CEP43: variants seen among roughly 807,000 people sequenced by gnomAD.
CEP43 encodes the protein centrosomal protein 43, also known as FGFR1 oncogene partner.
A neutral mutation model predicts 52.6 loss-of-function variants in CEP43; 36 were observed. The ratio of observed to expected loss-of-function variants is 0.68; its 90% CI spans 0.52 to 0.90. CEP43 has a LOEUF of 0.90. Ranked by LOEUF, CEP43 falls within the 40% of genes least tolerant of loss-of-function variation. The pLI is 0.00. For synonymous variants in CEP43, 192 were observed against 172.4 expected (o/e 1.11, Z -0.89); for missense variants, 506 against 472.8 (o/e 1.07, Z -0.65).
At position 167,006,896 on chromosome 6, in the gene CEP43, G is replaced by A. The variant is rs139632949; in HGVS notation, c.438+2495G>A. ...CCCTGGATAACCCAATAGTATATTC[G>A]AATCCTGTGTGGAAAAACTTACTTT... On this transcript the variant is annotated intron_variant, in intron 5 of 12. Transcript: ENST00000366847. Among the ~76,000 whole-genome samples, 6 of 152,240 alleles carry A rather than the reference G, an allele frequency of 3.9e-5. No individual in the cohort carries two copies. The East Asian group carries it at 5.8e-4, about 15-fold the overall frequency.
In CEP43 at chr6:167,048,710, T is replaced by A. The variant is rs1285668796; in HGVS notation, c.*8732T>A. 6.6e-6 allele frequency: 1 copy of A among 152,196 alleles called. No homozygotes were observed. The highest frequency in any genetic ancestry group is 1.5e-5 in the Non-Finnish European group (1 of 68,032). 9.4% of individuals were successfully genotyped at this position (152,196 alleles called of 1,614,324 possible). A position where few individuals can be genotyped will look rare whatever the true frequency, so the allele number is the denominator to read the frequency against. On this transcript the variant is annotated 3_prime_UTR_variant, in exon 13 of 13. Transcript: ENST00000366847. ...ATGGTAAAAATATTCAAATTATTAC[T>A]GATTTGACACAAAATATTGATGTAA...
chr6:167,038,322 T>A (rs1239169515), intron 12 of CEP43, among the ~76,000 whole-genome samples: 1 of 148,762 alleles, frequency 6.7e-6, no homozygotes, highest in Admixed American at 6.7e-5. Context: ...CTTCATGATC[T>A]GGCTTCAGGT....
At chr6:167,039,160 C>T (rs1485569191) in intron 12 of CEP43, among the ~76,000 whole-genome samples, 5 of 151,914 alleles carry the variant, frequency 3.3e-5, no homozygotes, top group Admixed American at 1.3e-4. Context: ...GTCGGAGTCT[C>T]GCTCTGTCAC....
chr6:167,004,478 A>G, intron 5 of CEP43, 77 bp downstream of exon 5: 8 of 1,242,376 alleles, frequency 6.4e-6, no homozygotes, highest in South Asian at 2.0e-5. Flanking sequence ...TAGTGCATAT[A>G]TAGTAAATTA....
Position 167,003,262 on chromosome 6 carries a change from T to C in CEP43, c.211+15T>C. The C allele has an allele frequency of 7.1e-7, 1 of 1,412,254 alleles. No individual in the cohort carries two copies. Among genetic ancestry groups the C allele is most frequent in the Non-Finnish European group, 9.7e-7 (1 of 1,032,332 alleles). 87.5% of individuals were successfully genotyped at this position (1,412,254 alleles called of 1,614,324 possible). A position where few individuals can be genotyped will look rare whatever the true frequency, so the allele number is the denominator to read the frequency against. On this transcript the variant is annotated intron_variant, in intron 3 of 12. Transcript: ENST00000366847. Reference sequence around the variant, plus strand: ...TACCAAAGACGGTAAGATGTTCAGTTTGTTCTTGTTTATCTATCTCTGAAT... The same window carrying C: ...TACCAAAGACGGTAAGATGTTCAGTCTGTTCTTGTTTATCTATCTCTGAAT...
intron 12 of CEP43, chr6:167,036,687 T>C: frequency 1.0e-6 from 1 of 983,928 alleles, no homozygotes; most frequent in Non-Finnish European, 1.2e-6. Context: ...AATGTACGTT[T>C]TAGATATTTT....
intron 7 of CEP43, among the ~76,000 whole-genome samples, chr6:167,017,368 A>T (rs1583278376): frequency 6.6e-6 from 1 of 152,316 alleles, no homozygotes; most frequent in Admixed American, 6.5e-5. Flanking sequence ...TATTACAAGT[A>T]ATCTAGAGAT....
At chr6:167,006,884 A>G (rs921706619) in intron 5 of CEP43, among the ~76,000 whole-genome samples, 3 of 152,240 alleles carry the variant, frequency 2.0e-5, no homozygotes, top group African/African-American at 7.2e-5. Flanking sequence ...TGGATAACCC[A>G]ATAGTATATT....
intron 10 of CEP43, among the ~76,000 whole-genome samples, 199 bp downstream of exon 10, chr6:167,026,814 G>T (rs568868829): frequency 6.6e-6 from 1 of 152,170 alleles, no homozygotes; most frequent in Non-Finnish European, 1.5e-5. Context: ...TCATGTTCTC[G>T]TGAACCTCTG....
At chr6:167,036,149 AT>A (rs1780581667) in intron 12 of CEP43, 1 of 985,332 alleles carries the variant, frequency 1.0e-6, no homozygotes, top group African/African-American at 1.7e-5. Flanking sequence ...GTGCCATAAA[AT>A]GCCAGTCATT....
intron 2 of CEP43, among the ~76,000 whole-genome samples, chr6:167,001,710 A>T (rs914659561): frequency 6.6e-6 from 1 of 152,142 alleles, no homozygotes; most frequent in Non-Finnish European, 1.5e-5. Flanking sequence ...CTCAGCCATC[A>T]CCTGGCTCTG....
rs1432072356 is a variant in CEP43 at position 167,051,313 on chromosome 6, G to T, written c.*11335G>T. The T allele has an allele frequency of 2.6e-5, 4 of 152,168 alleles. No homozygotes were observed. Among genetic ancestry groups the T allele is most frequent in the Admixed American group, 1.3e-4 (2 of 15,276 alleles). The allele number at this position is 152,168 out of a possible 1,614,324, so 9.4% of individuals were successfully genotyped here. On this transcript the variant is annotated 3_prime_UTR_variant, in exon 13 of 13. Transcript: ENST00000366847. The stretch of plus-strand genomic sequence containing the variant: ...AGGCCCCTCACTTCCTCCTAACCTG[G>T]TAGCCTTTCATTAGTTTTACAAAGG...
At chr6:167,028,684 T>C (rs1478350745) in intron 10 of CEP43, among the ~76,000 whole-genome samples, 1 of 152,204 alleles carries the variant, frequency 6.6e-6, no homozygotes, top group Non-Finnish European at 1.5e-5. Context: ...GTAGGTTTTA[T>C]TACTATCTCC....
Position 167,041,086 on chromosome 6 carries a change from CT to C in CEP43, c.*1111del, listed in dbSNP as rs1583296275. ...AAAGCAGGATTGTGCTGTTTTTGCA[CT>C]TTATAATTTCAATTAAGTTGCGGCT... On this transcript the variant is annotated 3_prime_UTR_variant, in exon 13 of 13. Transcript: ENST00000366847. 4.8e-6 allele frequency: 5 copies of C among 1,038,066 alleles called. No individual in the cohort carries two copies. Among genetic ancestry groups the C allele is most frequent in the Non-Finnish European group, 5.8e-6 (5 of 862,162 alleles). The allele number at this position is 1,038,066 out of a possible 1,614,324, so 64.3% of individuals were successfully genotyped here.
intron 5 of CEP43, among the ~76,000 whole-genome samples, chr6:167,008,229 C>G (rs1779898761): frequency 6.6e-6 from 1 of 151,188 alleles, no homozygotes; most frequent in Non-Finnish European, 1.5e-5. Flanking sequence ...TTTCGTTATT[C>G]TATCCTCCAC....
rs1486008276 is a variant in CEP43, at chr6:167,047,830, AC to A, written c.*7853del. ...CAGAAACCATGGATTTCTGGTCTTG[AC>A]TCCACTACCACTCAGAGGAACCTCA... On this transcript the variant is annotated 3_prime_UTR_variant, in exon 13 of 13. Coordinates refer to ENST00000366847, the MANE Select transcript of CEP43 (RefSeq NM_007045.4). The A allele has an allele frequency of 6.6e-6, 1 of 151,208 alleles. No homozygotes were observed. The highest frequency in any genetic ancestry group is 2.4e-5 in the African/African-American group (1 of 41,046). The allele number at this position is 151,208 out of a possible 1,614,324, so 9.4% of individuals were successfully genotyped here.
At chr6:167,028,123 C>T (rs1462545381) in intron 10 of CEP43, 16 of 985,512 alleles carry the variant, frequency 1.6e-5, no homozygotes, top group Non-Finnish European at 1.9e-5. Context: ...ACCTCTGCAC[C>T]GTGATGGCCG....
chr6:167,008,642 T>A (rs1218283416), intron 5 of CEP43, among the ~76,000 whole-genome samples: 1 of 151,820 alleles, frequency 6.6e-6, no homozygotes, highest in Non-Finnish European at 1.5e-5. Context: ...TAATTTTTTT[T>A]ATTTTTTTAT....
rs1302008284 is a variant in CEP43 at position 167,047,379 on chromosome 6, C to T, written c.*7401C>T. On this transcript the variant is annotated 3_prime_UTR_variant, in exon 13 of 13. Transcript: ENST00000366847. Reference sequence around the variant, plus strand: ...AGTGGCTAGAAGCCTGGATGGGCAACTTGGCTGAGTGATGTTGGGCAAGTT... The same window carrying T: ...AGTGGCTAGAAGCCTGGATGGGCAATTTGGCTGAGTGATGTTGGGCAAGTT... 2.0e-5 allele frequency: 3 copies of T among 152,166 alleles called. No individual in the cohort carries two copies. Among genetic ancestry groups the T allele is most frequent in the Non-Finnish European group, 4.4e-5 (3 of 68,064 alleles). The allele number at this position is 152,166 out of a possible 1,614,324, so 9.4% of individuals were successfully genotyped here. A position where few individuals can be genotyped will look rare whatever the true frequency, so the allele number is the denominator to read the frequency against.
Sources: allele counts gnomAD v4.1 joint callset (sites outside exome capture counted in the v4.1 genomes callset), GRCh38; gene constraint gnomAD v4.1.1; transcripts MANE v1.5; gene names NCBI Gene and HGNC (gene_info 2026-07-23, HGNC 2026-07-21).